The following ELL variants were observed in gnomAD, a reference collection of about 807,000 sequenced individuals.
The protein encoded by ELL is RNA polymerase II elongation factor ELL.
A neutral mutation model predicts 64.0 loss-of-function variants in ELL; 18 were observed. That is an observed-to-expected ratio of 0.28 (90% CI 0.19 to 0.42). ELL has a LOEUF of 0.42. ELL is among the 10% of genes least tolerant of loss of function. The pLI is 1.00. For synonymous variants in ELL, 399 were observed against 376.2 expected, an observed-to-expected ratio of 1.06 and a Z score of -0.70; for missense variants, 797 against 870.4, an observed-to-expected ratio of 0.92 and a Z score of 1.06.
chr19:18,493,616 C>T (rs570882207), intron 1 of ELL, among the ~76,000 whole-genome samples: 236 of 152,366 alleles, frequency 1.5e-3, no homozygotes, highest in African/African-American at 5.4e-3. Context: ...TGCAGCCAGA[C>T]GGCCCCACAC....
intron 1 of ELL, among the ~76,000 whole-genome samples, chr19:18,513,534 T>C (rs1024882879): frequency 5.3e-5 from 8 of 151,976 alleles, no homozygotes; most frequent in Admixed American, 5.2e-4. Context: ...CCTGGGGCAA[T>C]GAGAACAGAC....
At chr19:18,504,947 A>G (rs552868853) in intron 1 of ELL, among the ~76,000 whole-genome samples, 1 of 152,356 alleles carries the variant, frequency 6.6e-6, no homozygotes, top group Admixed American at 6.5e-5. Context: ...GGAGGCTCTC[A>G]GCCCACAGCT....
intron 1 of ELL, among the ~76,000 whole-genome samples, chr19:18,518,200 C>T (rs773721873): frequency 1.4e-4 from 18 of 133,326 alleles, no homozygotes; most frequent in Non-Finnish European, 2.8e-4. Flanking sequence ...AAAACAACAA[C>T]AACAACAACA....
At chr19:18,454,181 T>C (rs1309472698) in intron 6 of ELL, among the ~76,000 whole-genome samples, 1 of 152,222 alleles carries the variant, frequency 6.6e-6, no homozygotes, top group African/African-American at 2.4e-5. Context: ...GAACTGTATC[T>C]GAATAAAGCT....
intron 6 of ELL, among the ~76,000 whole-genome samples, chr19:18,455,795 A>G (rs993845726): frequency 1.3e-5 from 2 of 151,200 alleles, no homozygotes; most frequent in Non-Finnish European, 3.0e-5. Context: ...AGGAGAATAA[A>G]AAAGAGCAAG....
intron 1 of ELL, among the ~76,000 whole-genome samples, chr19:18,508,260 G>A (rs1456744320): frequency 6.6e-6 from 1 of 152,126 alleles, no homozygotes; most frequent in Non-Finnish European, 1.5e-5. Context: ...AGTGAGCTAT[G>A]ATCACACCAC....
At chr19:18,497,658 T>G (rs1975686354) in intron 1 of ELL, among the ~76,000 whole-genome samples, 1 of 151,428 alleles carries the variant, frequency 6.6e-6, no homozygotes, top group Non-Finnish European at 1.5e-5. Context: ...CTAAAAAAAT[T>G]TTTTTTAAAT....
intron 1 of ELL, among the ~76,000 whole-genome samples, chr19:18,500,027 C>T (rs539068703): frequency 1.3e-5 from 2 of 152,272 alleles, no homozygotes; most frequent in African/African-American, 4.8e-5. Context: ...TTTGGGAAGC[C>T]GAGGCGAGCA....
chr19:18,509,121 A>G (rs886429484), intron 1 of ELL, among the ~76,000 whole-genome samples: 2 of 151,974 alleles, frequency 1.3e-5, no homozygotes, highest in Non-Finnish European at 2.9e-5. Flanking sequence ...TCTCGGGAAT[A>G]ATATTTCAGA....
intron 1 of ELL, among the ~76,000 whole-genome samples, chr19:18,496,984 T>C (rs1290294672): frequency 6.6e-6 from 1 of 152,160 alleles, no homozygotes; most frequent in Non-Finnish European, 1.5e-5. Context: ...CTCAACAGAT[T>C]CCTGAAAAAC....
At chr19:18,518,458 C>T in intron 1 of ELL, among the ~76,000 whole-genome samples, 1 of 150,498 alleles carries the variant, frequency 6.6e-6, no homozygotes, top group Non-Finnish European at 1.5e-5. Context: ...CCATTGCACT[C>T]CAGCCTGGAC....
intron 1 of ELL, among the ~76,000 whole-genome samples, chr19:18,507,876 G>A (rs1975919112): frequency 6.6e-6 from 1 of 152,160 alleles, no homozygotes; most frequent in Admixed American, 6.6e-5. Flanking sequence ...GCAGACGCCT[G>A]ACCCCCAGCT....
intron 6 of ELL, among the ~76,000 whole-genome samples, chr19:18,453,572 A>T (rs1055562521): frequency 2.6e-5 from 4 of 151,968 alleles, no homozygotes; most frequent in African/African-American, 7.2e-5. Flanking sequence ...TGACTGGAAT[A>T]AAAAAAACAG....
At chr19:18,464,476 G>A (rs1006658570) in intron 4 of ELL, among the ~76,000 whole-genome samples, 13 of 126,750 alleles carry the variant, frequency 1.0e-4, no homozygotes, top group African/African-American at 4.3e-4. Context: ...TGGACAACCC[G>A]GGCTCCCTGG....
At chr19:18,462,538 C>G in intron 4 of ELL, among the ~76,000 whole-genome samples, 1 of 151,962 alleles carries the variant, frequency 6.6e-6, no homozygotes, top group Non-Finnish European at 1.5e-5. Flanking sequence ...TGTGCACCAC[C>G]ATGCCTGGCT....
At chr19:18,444,971 G>A (rs530819774) in intron 11 of ELL, 103 bp from the exon 12 acceptor site, 132 of 1,306,336 alleles carry the variant, frequency 1.0e-4, no homozygotes, top group Non-Finnish European at 1.3e-4. Flanking sequence ...TGGGCTTGGT[G>A]CCCAGCAAGG....
chr19:18,450,997 T>C (rs996244129), intron 7 of ELL, 22 bp from the exon 8 acceptor site: 5 of 1,507,900 alleles, frequency 3.3e-6, no homozygotes, highest in Non-Finnish European at 3.5e-6. Context: ...CAGAGATCAT[T>C]TTAGAGGGGA....
At position 18,444,394 on chromosome 19, in the gene ELL, T is replaced by C. The variant is rs35745856; in HGVS notation, c.*358A>G. 7.8e-3 allele frequency: 2,140 copies of C among 275,304 alleles called. 11 individuals carry two copies. Among genetic ancestry groups the C allele is most frequent in the South Asian group, 0.01 (93 of 9,074 alleles). 17.1% of individuals were successfully genotyped at this position (275,304 alleles called of 1,614,324 possible). On this transcript the variant is annotated 3_prime_UTR_variant, in exon 12 of 12. Transcript: ENST00000262809. Reference sequence around the variant, plus strand: ...GTACAAAAATAGACTCAAGTCTCATTAGCAGTAGCTAAAAGTGGCTGTCTT... The same window carrying C: ...GTACAAAAATAGACTCAAGTCTCATCAGCAGTAGCTAAAAGTGGCTGTCTT...
intron 2 of ELL, chr19:18,471,429 A>C (rs1975062914): frequency 2.5e-6 from 1 of 395,654 alleles, no homozygotes; most frequent in Admixed American, 3.0e-5. Context: ...GCACTTTGGG[A>C]GGCTGCAGCA....
Sources: allele counts gnomAD v4.1 joint callset (sites outside exome capture counted in the v4.1 genomes callset), GRCh38; gene constraint gnomAD v4.1.1; transcripts MANE v1.5; gene names NCBI Gene and HGNC (gene_info 2026-07-23, HGNC 2026-07-21).